The following SLC9A6 variants were observed in gnomAD, a reference collection of about 807,000 sequenced individuals.
SLC9A6 encodes the protein sodium/hydrogen exchanger 6.
In SLC9A6, 6 loss-of-function variants were observed where a neutral mutation model predicts 45.3. The ratio of observed to expected loss-of-function variants is 0.13; its 90% CI spans 0.07 to 0.26. The LOEUF (loss-of-function observed/expected upper bound fraction) is 0.26, where lower values mean the gene tolerates loss of function less well. Among genes scored for constraint, SLC9A6 ranks in the 10% least tolerant of loss-of-function variants. The pLI is 1.00. For synonymous variants in SLC9A6, 191 were observed against 187.7 expected (o/e 1.02, Z -0.14); for missense variants, 278 against 503.7 (o/e 0.55, Z 4.29).
intron 3 of SLC9A6, among the ~76,000 whole-genome samples, chrX:135,996,803 G>T (rs1172235656): frequency 9.1e-6 from 1 of 109,811 alleles, no homozygotes; most frequent in Non-Finnish European, 1.9e-5. Context: ...GTCTCGCTCT[G>T]TCGCCCAGGC....
At position 135,985,725 on chromosome X, in the gene SLC9A6, C is replaced by G. The variant is rs782056346; in HGVS notation, c.67C>G (p.Leu23Val). ...ESHRQDSANL[L>V]IFILLLTLTI... ...CCACCGGCAGGACAGCGCCAACCTG[C>G]TCATCTTCATCCTGCTGCTCACCCT... is the stretch of plus-strand genomic sequence containing the variant. Residue 23 changes from leucine to valine, a missense_variant, in exon 2 of 18, where the codon CTC becomes GTC. Transcript: ENST00000630721. The G allele has an allele frequency of 8.3e-7, 1 of 1,211,899 alleles. No individual in the cohort carries two copies. The highest frequency in any genetic ancestry group is 1.1e-6 in the Non-Finnish European group (1 of 895,480).
chrX:136,045,069 G>T lies in SLC9A6; in HGVS notation c.*345G>T. The T allele has an allele frequency of 5.4e-6, 1 of 185,002 alleles. No individual in the cohort carries two copies. The highest frequency in any genetic ancestry group is 1.3e-4 in the South Asian group (1 of 7,739). The allele number at this position is 185,002 out of a possible 1,213,427, so 15.2% of individuals were successfully genotyped here. A position where few individuals can be genotyped will look rare whatever the true frequency, so the allele number is the denominator to read the frequency against. On this transcript the variant is annotated 3_prime_UTR_variant, in exon 18 of 18. Transcript: ENST00000630721. ...ACACTTAACCAGAGTACCAGTTCTC[G>T]TGATGTGAATTAATTTTTTTGTGTG...
chrX:135,978,878 C>CA (rs1404020029), intron 1 of SLC9A6, among the ~76,000 whole-genome samples: 2 of 109,677 alleles, frequency 1.8e-5, no homozygotes, highest in Non-Finnish European at 3.8e-5. Context: ...TCAGGCCTCT[C>CA]AAAAAAAAGC....
chrX:135,998,003 G>T, intron 3 of SLC9A6, 105 bp from the exon 4 acceptor site: 4 of 502,107 alleles, frequency 8.0e-6, no homozygotes, highest in East Asian at 3.5e-5. Context: ...TAATGTTCTT[G>T]CCTTTGACTA....
chrX:136,027,254 G>A (rs1556620650), intron 13 of SLC9A6, among the ~76,000 whole-genome samples: 1 of 111,654 alleles, frequency 9.0e-6, no homozygotes. Context: ...GGATGGGGGT[G>A]TTTTTGATAC....
Position 136,038,487 on chromosome X carries a change from T to C in SLC9A6, c.1662-1589T>C, listed in dbSNP as rs189360742. Among the ~76,000 whole-genome samples, 739 of 112,090 alleles carry C rather than the reference T, an allele frequency of 6.6e-3. 3 individuals carry two copies. The highest frequency in any genetic ancestry group is 0.012 in the Admixed American group (122 of 10,538). On this transcript the variant is annotated intron_variant, in intron 16 of 17. Transcript: ENST00000630721. ...TTTGTGTCTATTTTTATGAACAATATTGGCTTGTGATTTTTTCTTATAGTG... is the reference window on the plus strand; with the variant it reads ...TTTGTGTCTATTTTTATGAACAATACTGGCTTGTGATTTTTTCTTATAGTG...
intron 8 of SLC9A6, among the ~76,000 whole-genome samples, chrX:136,011,558 A>C (rs1182119528): frequency 3.6e-5 from 4 of 110,645 alleles, no homozygotes; most frequent in Non-Finnish European, 7.6e-5. Flanking sequence ...CATGTTTTAA[A>C]CCCCCCACCC....
chrX:136,016,362 A>T (rs543375957), intron 10 of SLC9A6, among the ~76,000 whole-genome samples: 1 of 109,815 alleles, frequency 9.1e-6, no homozygotes, highest in South Asian at 4.0e-4. Flanking sequence ...GGGACACAGG[A>T]ACATTAAAAA....
chrX:136,008,232 C>T (rs960415738), intron 7 of SLC9A6, among the ~76,000 whole-genome samples: 1 of 111,215 alleles, frequency 9.0e-6, no homozygotes, highest in Non-Finnish European at 1.9e-5. Context: ...GTTATAAAGA[C>T]TATGAATTTT....
Position 136,028,866 on chromosome X carries a change from G to T in SLC9A6, c.1461-20G>T. 1 of 295,537 alleles carries T rather than the reference G, an allele frequency of 3.4e-6. No individual in the cohort carries two copies. The highest frequency in any genetic ancestry group is 2.0e-4 in the South Asian group (1 of 4,971). The allele number at this position is 295,537 out of a possible 1,213,427, so 24.4% of individuals were successfully genotyped here. A position where few individuals can be genotyped will look rare whatever the true frequency, so the allele number is the denominator to read the frequency against. ...TAGTTAATTTAATCAATAAACATTT[G>T]AGCACCTATTGTGTGTCAGGTACTG... On this transcript the variant is annotated intron_variant, in intron 13 of 17. Transcript: ENST00000630721.
chrX:136,002,085 C>T (rs1556617430), intron 6 of SLC9A6, 23 bp from the exon 7 acceptor site: 1 of 1,014,542 alleles, frequency 9.9e-7, no homozygotes. Context: ...CTAAGTATTC[C>T]TCTGACTCTT....
chrX:136,040,226 TTA>T (rs1408484543), intron 17 of SLC9A6, 45 bp downstream of exon 17: 1 of 947,765 alleles, frequency 1.1e-6, no homozygotes, highest in Non-Finnish European at 1.5e-6. Context: ...TAAGTTAAAT[TTA>T]TCTGCTCTGT....
chrX:136,002,072 T>C, intron 6 of SLC9A6, 36 bp from the exon 7 acceptor site: 1 of 890,847 alleles, frequency 1.1e-6, no homozygotes, highest in Non-Finnish European at 1.7e-6. Context: ...ATATTTGTAA[T>C]GTCTAAGTAT....
chrX:136,041,472 T>C (rs1193852707), intron 17 of SLC9A6, among the ~76,000 whole-genome samples: 2 of 111,971 alleles, frequency 1.8e-5, no homozygotes, highest in Non-Finnish European at 3.8e-5. Flanking sequence ...ACTGTGCCTG[T>C]GAGATGGGGC....
intron 2 of SLC9A6, among the ~76,000 whole-genome samples, chrX:135,993,015 A>G (rs1406891982): frequency 8.9e-6 from 1 of 112,171 alleles, no homozygotes; most frequent in Non-Finnish European, 1.9e-5. Context: ...GTAGTGGTAT[A>G]CTATGCATGG....
At chrX:136,032,100 C>T (rs782378554) in intron 15 of SLC9A6, among the ~76,000 whole-genome samples, 11 of 112,126 alleles carry the variant, frequency 9.8e-5, no homozygotes, top group Admixed American at 2.8e-4. Context: ...TGAAGTTTCA[C>T]TCTGTCGGTC....
intron 2 of SLC9A6, among the ~76,000 whole-genome samples, chrX:135,988,628 T>G (rs1272526766): frequency 9.2e-6 from 1 of 109,071 alleles, no homozygotes; most frequent in Non-Finnish European, 1.9e-5. Flanking sequence ...TGATAGAGTG[T>G]TGCTCTGTCG....
chrX:135,996,152 C>T (rs781821956), intron 3 of SLC9A6, among the ~76,000 whole-genome samples: 1 of 106,482 alleles, frequency 9.4e-6, no homozygotes, highest in Non-Finnish European at 1.9e-5. Flanking sequence ...CAACCTCAGC[C>T]TCCTTAGTAG....
At chrX:135,985,967 C>G in intron 2 of SLC9A6, 140 bp downstream of exon 2, 1 of 736,030 alleles carries the variant, frequency 1.4e-6, no homozygotes, top group East Asian at 3.4e-5. Context: ...CGCCTTCCCC[C>G]TACCCCGCGT....
Sources: allele counts gnomAD v4.1 joint callset (sites outside exome capture counted in the v4.1 genomes callset), GRCh38; gene constraint gnomAD v4.1.1; transcripts MANE v1.5; gene names NCBI Gene and HGNC (gene_info 2026-07-23, HGNC 2026-07-21).